Variants in TMED4 observed in about 807,000 individuals in gnomAD.
TMED4 encodes the protein transmembrane p24 trafficking protein 4.
TMED4 carries 19 observed loss-of-function variants against 26.5 expected under a neutral mutation model. That is an observed-to-expected ratio of 0.72 (90% CI 0.50 to 1.05). The LOEUF (loss-of-function observed/expected upper bound fraction) is 1.05. Ranked by LOEUF, TMED4 falls within the 50% of genes least tolerant of loss-of-function variation. The probability of loss-of-function intolerance (pLI) is 0.00; values close to 1 mark genes in which losing one functional copy is unlikely to be tolerated. For synonymous variants in TMED4, 121 were observed against 119.8 expected (o/e 1.01, Z -0.07); for missense variants, 303 against 302.5 (o/e 1.00, Z -0.01).
In TMED4 at chr7:44,581,108, C is replaced by T. The variant is rs1250900802; in HGVS notation, c.519G>A (p.Glu173=). ...ATGCACTTGCCCTTTGGTAATCCTG[C>T]TCCTTCTGAATCTGTTCCACCTGAT... ...LLDQVEQIQK[E]QDYQRYREER... The change falls in exon 4 of 5, where the codon GAG becomes GAA. Residue 173 remains glutamate (E), a synonymous_variant. Coordinates refer to ENST00000457408, the MANE Select transcript of TMED4 (RefSeq NM_182547.4). 1.1e-5 allele frequency: 18 copies of T among 1,614,096 alleles called. No individual in the cohort carries two copies. Among genetic ancestry groups the T allele is most frequent in the Non-Finnish European group, 1.4e-5 (16 of 1,180,054 alleles).
At chr7:44,580,298 T>G (rs1341649320) in intron 4 of TMED4, 1 of 152,142 alleles carries the variant, frequency 6.6e-6, no homozygotes, top group Non-Finnish European at 1.5e-5. Context: ...GCCAACATGG[T>G]GAAACCCAGT....
intron 2 of TMED4, 38 bp from the exon 3 acceptor site, chr7:44,581,612 G>T (rs747973364): frequency 3.7e-6 from 6 of 1,613,800 alleles, no homozygotes; most frequent in African/African-American, 1.3e-5. Context: ...CCTTTATACC[G>T]CAGGCTCTCC....
chr7:44,581,155 G>A lies in TMED4; in HGVS notation c.472C>T (p.Leu158Phe). 6.2e-7 allele frequency: 1 copy of A among 1,614,158 alleles called. No individual in the cohort carries two copies. ...AAKDKLTELQ[L>F]RARQLLDQVE... is the part of the protein sequence containing the mutation. ...TGATCAAGCAACTGGCGGGCGCGGA[G>A]CTGTAGCTCCGTCAGCTTATCTTTT... Residue 158 changes from leucine (L) to phenylalanine (F), a missense_variant, in exon 4 of 5, where the codon CTC becomes TTC. Leu to Phe is a conservative substitution (Grantham distance 22). Coordinates refer to ENST00000457408, the MANE Select transcript of TMED4 (RefSeq NM_182547.4).
intron 4 of TMED4, chr7:44,580,642 T>C (rs79640327): frequency 0.073 from 12,062 of 165,608 alleles, 567 homozygotes; most frequent in East Asian, 0.12. Context: ...CACAATAAAA[T>C]GTTTTGATAA....
chr7:44,581,600 C>T (rs757911985), intron 2 of TMED4, 26 bp from the exon 3 acceptor site: 2 of 1,614,050 alleles, frequency 1.2e-6, no homozygotes, highest in Admixed American at 1.7e-5. Context: ...GTGAAGGCCC[C>T]ACCTTTATAC....
rs553481473 is a variant in TMED4 at position 44,579,291 on chromosome 7, T to C, written c.*188A>G. 4.2e-4 allele frequency: 221 copies of C among 526,890 alleles called. No homozygotes were observed. The highest frequency in any genetic ancestry group is 9.2e-4 in the African/African-American group (48 of 52,458). 32.6% of individuals were successfully genotyped at this position (526,890 alleles called of 1,614,324 possible). On this transcript the variant is annotated 3_prime_UTR_variant, in exon 5 of 5. Transcript: ENST00000457408. ...AGCCCTAAGACAAGATTTTGAAAGATTGGACTAATGTCATGTGTCCTTAAG... is the reference window on the plus strand; with the variant it reads ...AGCCCTAAGACAAGATTTTGAAAGACTGGACTAATGTCATGTGTCCTTAAG...
rs1802897887 is a variant in TMED4, at chr7:44,578,968, AT to A, written c.*510del. On this transcript the variant is annotated 3_prime_UTR_variant, in exon 5 of 5. Coordinates refer to ENST00000457408, the MANE Select transcript of TMED4 (RefSeq NM_182547.4). ...AGTAACACTTCTACTAGGAAGGAAA[AT>A]ATATAATTTATCCAAAAATAGTTCT... 1 of 152,114 alleles carries A rather than the reference AT, an allele frequency of 6.6e-6. No individual in the cohort carries two copies. 9.4% of individuals were successfully genotyped at this position (152,114 alleles called of 1,614,324 possible). A position where few individuals can be genotyped will look rare whatever the true frequency, so the allele number is the denominator to read the frequency against.
chr7:44,579,276 C>A lies in TMED4; in HGVS notation c.*203G>T. 1 of 491,330 alleles carries A rather than the reference C, an allele frequency of 2.0e-6. No individual in the cohort carries two copies. The highest frequency in any genetic ancestry group is 3.4e-5 in the East Asian group (1 of 29,710). The allele number at this position is 491,330 out of a possible 1,614,324, so 30.4% of individuals were successfully genotyped here. On this transcript the variant is annotated 3_prime_UTR_variant, in exon 5 of 5. Transcript: ENST00000457408. ...TTCTGATTCCTCACAAGCCCTAAGACAAGATTTTGAAAGATTGGACTAATG... is the reference window on the plus strand; with the variant it reads ...TTCTGATTCCTCACAAGCCCTAAGAAAAGATTTTGAAAGATTGGACTAATG...
chr7:44,581,836 CA>C lies in TMED4; in HGVS notation c.161-14del. On this transcript the variant is annotated splice_polypyrimidine_tract_variant and intron_variant, in intron 1 of 4. Coordinates refer to ENST00000457408, the MANE Select transcript of TMED4 (RefSeq NM_182547.4). ...GTACGATAGTTGCCTGCGGGGCAGA[CA>C]CATAGTCACGACCGGCCCTAGTGGG... is the stretch of plus-strand genomic sequence containing the variant. The C allele has an allele frequency of 6.2e-7, 1 of 1,613,614 alleles. No individual in the cohort carries two copies. Among genetic ancestry groups the C allele is most frequent in the Non-Finnish European group, 8.5e-7 (1 of 1,179,634 alleles).
At chr7:44,579,738 C>T (rs1413353793) in intron 4 of TMED4, 110 bp from the exon 5 acceptor site, 2 of 1,174,128 alleles carry the variant, frequency 1.7e-6, no homozygotes, top group Non-Finnish European at 2.4e-6. Flanking sequence ...TTTTGGAATA[C>T]TATCTGTGAC....
rs1304163940 is a variant in TMED4 at position 44,580,812 on chromosome 7, T to G, written c.534+281A>C. 3 of 302,638 alleles carry G rather than the reference T, an allele frequency of 9.9e-6. No homozygotes were observed. The East Asian group carries it at 2.4e-4, about 25-fold the overall frequency. 18.7% of individuals were successfully genotyped at this position (302,638 alleles called of 1,614,324 possible). A position where few individuals can be genotyped will look rare whatever the true frequency, so the allele number is the denominator to read the frequency against. On this transcript the variant is annotated intron_variant, in intron 4 of 4. Transcript: ENST00000457408. ...AAAGTACAAAATTAGCCAGGCATGGTGGCGCATGCCTGTAATCCCAGCTAC... is the reference window on the plus strand; with the variant it reads ...AAAGTACAAAATTAGCCAGGCATGGGGGCGCATGCCTGTAATCCCAGCTAC...
chr7:44,579,646 G>C lies in TMED4; in HGVS notation c.535-18C>G. 2 of 1,604,926 alleles carry C rather than the reference G, an allele frequency of 1.2e-6. No individual in the cohort carries two copies. The highest frequency in any genetic ancestry group is 1.7e-6 in the Non-Finnish European group (2 of 1,172,786). ...TCACGATACTGTGTGGGGCAACACA[G>C]GGTTAAGTGAGCAGGAGAAACAGTC... On this transcript the variant is annotated intron_variant, in intron 4 of 4. Transcript: ENST00000457408.
intron 4 of TMED4, 23 bp from the exon 5 acceptor site, chr7:44,579,651 A>C: frequency 3.7e-6 from 6 of 1,603,498 alleles, no homozygotes; most frequent in Non-Finnish European, 5.1e-6. Context: ...ACACAGGGTT[A>C]AGTGAGCAGG....
chr7:44,578,394 A>C lies in TMED4; in HGVS notation c.*1085T>G, dbSNP rs1477530361. 1 of 152,234 alleles carries C rather than the reference A, an allele frequency of 6.6e-6. No homozygotes were observed. Among genetic ancestry groups the C allele is most frequent in the Non-Finnish European group, 1.5e-5 (1 of 68,046 alleles). 9.4% of individuals were successfully genotyped at this position (152,234 alleles called of 1,614,324 possible). A position where few individuals can be genotyped will look rare whatever the true frequency, so the allele number is the denominator to read the frequency against. On this transcript the variant is annotated 3_prime_UTR_variant, in exon 5 of 5. Transcript: ENST00000457408. Reference sequence around the variant, plus strand: ...GAAGAAAACATTTAGCACAGCTTAAATAAAAGTTGAGAAGGAGGGTAAGAG... The same window carrying C: ...GAAGAAAACATTTAGCACAGCTTAACTAAAAGTTGAGAAGGAGGGTAAGAG...
chr7:44,580,584 C>T (rs1802954436), intron 4 of TMED4: 1 of 154,388 alleles, frequency 6.5e-6, no homozygotes, highest in Admixed American at 6.4e-5. Flanking sequence ...CTTAATACCA[C>T]TGAACTATAT....
intron 4 of TMED4, chr7:44,580,156 A>T (rs1802937037): frequency 6.5e-6 from 1 of 152,834 alleles, no homozygotes; most frequent in African/African-American, 2.4e-5. Context: ...GTGTCAGGAC[A>T]AAAGGAAACG....
chr7:44,582,136 G>C lies in TMED4; in HGVS notation c.71C>G (p.Ala24Gly), dbSNP rs1439054941. 25 of 1,551,636 alleles carry C rather than the reference G, an allele frequency of 1.6e-5. No homozygotes were observed. The highest frequency in any genetic ancestry group is 2.1e-5 in the Non-Finnish European group (24 of 1,147,592). Residue 24 changes from alanine (A) to glycine (G), a missense_variant, in exon 1 of 5, where the codon GCC becomes GGC. Coordinates refer to ENST00000457408, the MANE Select transcript of TMED4 (RefSeq NM_182547.4). The stretch of plus-strand genomic sequence containing the variant: ...GAAGTAGAGCCCCTGGGCGCCTGTG[G>C]CGCACAGCGCGAGAAGCAGCAGGGC... The part of the protein sequence containing the change: ...RQALLLLALC[A>G]TGAQGLYFHI...
chr7:44,581,959 C>G, intron 1 of TMED4, 88 bp downstream of exon 1: 1 of 1,528,054 alleles, frequency 6.5e-7, no homozygotes, highest in Non-Finnish European at 8.8e-7. Flanking sequence ...ACTGGGGGAG[C>G]CAGCGACCCG....
rs369268401 is a variant in TMED4 at position 44,582,197 on chromosome 7, C to T, written c.10G>A (p.Val4Ile). Residue 4 changes from valine (V) to isoleucine (I), a missense_variant, in exon 1 of 5, where the codon GTC (valine) becomes ATC (isoleucine). Coordinates refer to ENST00000457408, the MANE Select transcript of TMED4 (RefSeq NM_182547.4). The stretch of plus-strand genomic sequence containing the variant: ...ATCGCCCGCAGAGGCCCAGCCCCGA[C>T]ACCTGCCATCGCGCCTCAGCCCCTA... Reference protein sequence around the residue: MAGVGAGPLRAMGR... With the variant: MAGIGAGPLRAMGR... The T allele has an allele frequency of 1.4e-4, 219 of 1,543,972 alleles. No individual in the cohort carries two copies. The South Asian group carries it at 1.4e-3, about 10-fold the overall frequency.
Sources: gnomAD v4.1 joint callset for allele counts on GRCh38, gnomAD v4.1.1 for gene constraint, MANE v1.5 for transcripts, NCBI Gene and HGNC (gene_info 2026-07-23, HGNC 2026-07-21) for gene names.